Variants in PPP3CA observed in about 807,000 individuals in gnomAD.
PPP3CA encodes the protein CAM-PRP catalytic subunit.
A neutral mutation model predicts 66.5 loss-of-function variants in PPP3CA; 14 were observed. That is an observed-to-expected ratio of 0.21 (90% confidence interval 0.14 to 0.33). PPP3CA has a LOEUF of 0.33. PPP3CA is among the 10% of genes least tolerant of loss of function. The probability of loss-of-function intolerance (pLI) is 1.00; values close to 1 mark genes in which losing one functional copy is unlikely to be tolerated. For synonymous variants in PPP3CA, 232 were observed against 226.2 expected (o/e 1.03, Z -0.23); for missense variants, 317 against 639.5 (o/e 0.50, Z 5.44).
chr4:101,141,069 G>A (rs1425736241), intron 2 of PPP3CA, among the ~76,000 whole-genome samples: 4 of 152,096 alleles, frequency 2.6e-5, no homozygotes, highest in African/African-American at 7.2e-5. Context: ...TAAAACCAAT[G>A]TTTTATTTCT....
intron 6 of PPP3CA, among the ~76,000 whole-genome samples, chr4:101,088,156 G>T (rs776923160): frequency 6.6e-6 from 1 of 152,144 alleles, no homozygotes; most frequent in Non-Finnish European, 1.5e-5. Flanking sequence ...CTGTGTGTGT[G>T]CGCGTGTGTG....
chr4:101,253,949 C>A (rs1489144685), intron 1 of PPP3CA, among the ~76,000 whole-genome samples: 1 of 152,026 alleles, frequency 6.6e-6, no homozygotes, highest in Non-Finnish European at 1.5e-5. Context: ...CACTTGAACT[C>A]TGTACACTCT....
At position 101,133,271 on chromosome 4, in the gene PPP3CA, A is replaced by T. The variant is rs955172465; in HGVS notation, c.260-24193T>A. The stretch of plus-strand genomic sequence containing the variant: ...CCAGGGCAGTCAGGCAAGAGAAAGA[A>T]ATAAAGGTATTCAAATAGGAAGAGA... On this transcript the variant is annotated intron_variant, in intron 2 of 13. Transcript: ENST00000394854. Among the ~76,000 whole-genome samples the T allele has an allele frequency of 5.9e-5, 9 of 152,326 alleles. No homozygotes were observed. The South Asian group carries it at 1.9e-3, about 32-fold the overall frequency.
At chr4:101,171,496 T>G (rs1723879630) in intron 2 of PPP3CA, among the ~76,000 whole-genome samples, 1 of 152,168 alleles carries the variant, frequency 6.6e-6, no homozygotes. Flanking sequence ...ACTGTATATC[T>G]TGCACTGTTC....
At position 101,025,847 on chromosome 4, in the gene PPP3CA, A is replaced by ATT; in HGVS notation, c.*17_*18insAA. ...AAAAAAAAAAAAAAAAAAAAAAAAAAAAGTGAACAGGAAGTGGTCACTGAA... is the reference window on the plus strand; with the variant it reads ...AAAAAAAAAAAAAAAAAAAAAAAAAATTAAGTGAACAGGAAGTGGTCACTGAA... On this transcript the variant is annotated 3_prime_UTR_variant, in exon 14 of 14. Coordinates refer to ENST00000394854, the MANE Select transcript of PPP3CA (RefSeq NM_000944.5). 1 of 1,397,126 alleles carries ATT rather than the reference A, an allele frequency of 7.2e-7. No homozygotes were observed. Among genetic ancestry groups the ATT allele is most frequent in the Non-Finnish European group, 9.5e-7 (1 of 1,049,462 alleles). The allele number at this position is 1,397,126 out of a possible 1,614,324, so 86.5% of individuals were successfully genotyped here. A position where few individuals can be genotyped will look rare whatever the true frequency, so the allele number is the denominator to read the frequency against.
chr4:101,268,725 T>C (rs1475647536), intron 1 of PPP3CA, among the ~76,000 whole-genome samples: 1 of 152,160 alleles, frequency 6.6e-6, no homozygotes, highest in African/African-American at 2.4e-5. Context: ...AATGTATTAG[T>C]CATATATACA....
intron 2 of PPP3CA, among the ~76,000 whole-genome samples, chr4:101,171,399 C>A (rs1447458706): frequency 2.7e-5 from 4 of 149,074 alleles, no homozygotes. Context: ...TAGGTAAATA[C>A]TATGGTTAAA....
chr4:101,263,689 T>C (rs576460765), intron 1 of PPP3CA, among the ~76,000 whole-genome samples: 12 of 152,026 alleles, frequency 7.9e-5, no homozygotes, highest in Non-Finnish European at 1.3e-4. Context: ...AGTGCCGTGC[T>C]GACCACTAGA....
intron 2 of PPP3CA, among the ~76,000 whole-genome samples, chr4:101,141,770 A>G (rs1286192648): frequency 6.6e-6 from 1 of 152,202 alleles, no homozygotes; most frequent in Non-Finnish European, 1.5e-5. Context: ...TCTCCCTACT[A>G]GAACACAGCT....
intron 1 of PPP3CA, among the ~76,000 whole-genome samples, chr4:101,273,901 G>C (rs967048530): frequency 2.6e-5 from 4 of 151,852 alleles, no homozygotes; most frequent in African/African-American, 9.7e-5. Flanking sequence ...ATAGCAATTG[G>C]TTATATTTAA....
chr4:101,132,920 C>A (rs1722494933), intron 2 of PPP3CA, among the ~76,000 whole-genome samples: 1 of 152,200 alleles, frequency 6.6e-6, no homozygotes, highest in African/African-American at 2.4e-5. Flanking sequence ...TCAGCTTCAT[C>A]CCTGGGATGC....
rs542441220 is a variant in PPP3CA at position 101,079,524 on chromosome 4, A to G, written c.955+1008T>C. Among the ~76,000 whole-genome samples, 38 of 151,418 alleles carry G rather than the reference A, an allele frequency of 2.5e-4. No homozygotes were observed. In the South Asian group the frequency reaches 4.6e-3, roughly 18 times the overall value. On this transcript the variant is annotated intron_variant, in intron 8 of 13. Transcript: ENST00000394854. Reference sequence around the variant, plus strand: ...CTCCCGAGTAGCTGGGACTACAGGCACTCGCCACCACGGCCAGCTAATTTT... The same window carrying G: ...CTCCCGAGTAGCTGGGACTACAGGCGCTCGCCACCACGGCCAGCTAATTTT...
Position 101,080,631 on chromosome 4 carries a change from A to G in PPP3CA, c.861-5T>C. 1.1e-5 allele frequency: 16 copies of G among 1,482,566 alleles called. No individual in the cohort carries two copies. The highest frequency in any genetic ancestry group is 1.5e-5 in the Non-Finnish European group (16 of 1,097,046). The allele number at this position is 1,482,566 out of a possible 1,614,324, so 91.8% of individuals were successfully genotyped here. On this transcript the variant is annotated splice_polypyrimidine_tract_variant and splice_region_variant and intron_variant, in intron 7 of 13. Transcript: ENST00000394854. ...CTTTTCCTGTACATGCGGTACCTAAAAAGAACAAATACAGTCAAAACAAAG... is the reference window on the plus strand; with the variant it reads ...CTTTTCCTGTACATGCGGTACCTAAGAAGAACAAATACAGTCAAAACAAAG...
intron 1 of PPP3CA, among the ~76,000 whole-genome samples, chr4:101,224,544 G>A (rs2851006): frequency 0.82 from 123,845 of 151,292 alleles, 51,082 homozygotes; most frequent in African/African-American, 0.87. Flanking sequence ...TAGCGCTCCA[G>A]GGAGAAAGAC....
intron 1 of PPP3CA, among the ~76,000 whole-genome samples, chr4:101,341,153 T>C (rs1250106322): frequency 1.3e-5 from 2 of 151,830 alleles, no homozygotes; most frequent in East Asian, 3.9e-4. Context: ...CGAAATGAAA[T>C]GTGAAGATAT....
At chr4:101,082,700 C>T (rs1729491193) in intron 7 of PPP3CA, among the ~76,000 whole-genome samples, 1 of 152,040 alleles carries the variant, frequency 6.6e-6, no homozygotes, top group South Asian at 2.1e-4. Flanking sequence ...TAAAGATGTC[C>T]CTATTCCTTT....
At chr4:101,194,859 G>A (rs13129394) in intron 2 of PPP3CA, among the ~76,000 whole-genome samples, 7,511 of 151,958 alleles carry the variant, frequency 0.049, 261 homozygotes, top group Non-Finnish European at 0.078. Flanking sequence ...TAGCCACCGC[G>A]TCCAGCCCAT....
At chr4:101,332,040 C>T (rs181826085) in intron 1 of PPP3CA, among the ~76,000 whole-genome samples, 75 of 152,282 alleles carry the variant, frequency 4.9e-4, no homozygotes, top group Non-Finnish European at 7.4e-4. Flanking sequence ...TGTTGGGAGG[C>T]TCCTGCAGCA....
intron 2 of PPP3CA, among the ~76,000 whole-genome samples, chr4:101,173,998 G>A (rs1021710913): frequency 2.6e-5 from 4 of 152,004 alleles, no homozygotes; most frequent in African/African-American, 9.7e-5. Context: ...GCTGCTGTGA[G>A]CTATGACTAC....
Sources: gnomAD v4.1 joint callset for allele counts (sites outside exome capture counted in the v4.1 genomes callset) on GRCh38, gnomAD v4.1.1 for gene constraint, MANE v1.5 for transcripts, NCBI Gene and HGNC (gene_info 2026-07-23, HGNC 2026-07-21) for gene names.